The following NPFF variants were observed in gnomAD, a reference collection of about 807,000 sequenced individuals.
The protein encoded by NPFF is pro-FMRFamide-related neuropeptide FF.
Under a neutral mutation model 12.9 loss-of-function variants are expected in NPFF, and 14 were observed. The observed-to-expected ratio is 1.09, with a 90% CI of 0.72 to 1.70. The LOEUF (loss-of-function observed/expected upper bound fraction) is 1.70, where lower values mean the gene tolerates loss of function less well. Among genes scored for constraint, NPFF ranks in the 40% most tolerant of loss-of-function variants. NPFF has a pLI of 0.00. For missense variants in NPFF, 140 were observed against 135.7 expected (o/e 1.03, Z -0.16); for synonymous variants, 56 against 57.3 (o/e 0.98, Z 0.10).
intron 1 of NPFF, 52 bp downstream of exon 1, chr12:53,507,321 G>A (rs8192593): frequency 0.032 from 51,216 of 1,611,386 alleles, 939 homozygotes; most frequent in Non-Finnish European, 0.039. Flanking sequence ...TAGAGCACAA[G>A]TCTCAACCGA....
intron 1 of NPFF, 35 bp from the exon 2 acceptor site, chr12:53,507,177 C>T (rs1944027518): frequency 1.2e-6 from 2 of 1,608,602 alleles, no homozygotes; most frequent in East Asian, 4.5e-5. Context: ...GGAAGATGGG[C>T]AAATACCCTG....
Position 53,507,038 on chromosome 12 carries a change from GA to G in NPFF, c.206del (p.Phe69SerfsTer21). 6.2e-7 allele frequency: 1 copy of G among 1,613,928 alleles called. No homozygotes were observed. The highest frequency in any genetic ancestry group is 8.5e-7 in the Non-Finnish European group (1 of 1,179,958). On this transcript the variant is annotated frameshift_variant, in exon 2 of 3. Coordinates refer to ENST00000267017, the MANE Select transcript of NPFF (RefSeq NM_003717.4). LOFTEE classifies it high-confidence loss of function. ...AMERPGRSQA[F>X]LFQPQRFGRN... ...AGACTCACCTCTGGGGCTGAAACAGGAAGGCTTGGCTCCGGCCAGGTCTCTC... is the reference window on the plus strand; with the variant it reads ...AGACTCACCTCTGGGGCTGAAACAGGAGGCTTGGCTCCGGCCAGGTCTCTC...
chr12:53,506,988 C>T (rs773934493), intron 2 of NPFF, 33 bp downstream of exon 2: 1 of 1,606,842 alleles, frequency 6.2e-7, no homozygotes, highest in Non-Finnish European at 8.5e-7. Context: ...CCACCCCCAG[C>T]CCCTGCCATG....
At position 53,507,434 on chromosome 12, in the gene NPFF, A is replaced by AGCAGCAGCACCAGCAGT; in HGVS notation, c.24_40dup (p.Leu14HisfsTer8). ...TTCAGCACAGCCCCCGTCTATTAAC[A>AGCAGCAGCACCAGCAGT]GCAGCAGCACCAGCAGTGCAGCAGC... On this transcript the variant is annotated frameshift_variant, in exon 1 of 3. Coordinates refer to ENST00000267017, the MANE Select transcript of NPFF (RefSeq NM_003717.4). LOFTEE classifies it high-confidence loss of function. The AGCAGCAGCACCAGCAGT allele has an allele frequency of 1.8e-5, 29 of 1,613,888 alleles. No homozygotes were observed. The highest frequency in any genetic ancestry group is 2.4e-5 in the Non-Finnish European group (28 of 1,179,990).
intron 1 of NPFF, 69 bp downstream of exon 1, chr12:53,507,304 C>T: frequency 6.2e-7 from 1 of 1,604,916 alleles, no homozygotes; most frequent in Non-Finnish European, 8.5e-7. Flanking sequence ...GAGAAAGTAT[C>T]AGAACCTAGA....
At position 53,507,390 on chromosome 12, in the gene NPFF, C is replaced by T; in HGVS notation, c.85G>A (p.Glu29Lys). The T allele has an allele frequency of 6.2e-7, 1 of 1,614,108 alleles. No individual in the cohort carries two copies. Among genetic ancestry groups the T allele is most frequent in the Non-Finnish European group, 8.5e-7 (1 of 1,180,000 alleles). ...GCAEGPGGQQ[E>K]DQLSAEEDSE... ...ACACTCACCGCGGAGAGCTGGTCTT[C>T]CTGCTGGCCTCCTGGCCCTTCAGCA... Residue 29 changes from glutamate to lysine, a missense_variant, in exon 1 of 3, where the codon GAA (glutamate) becomes AAA (lysine). Physicochemically the swap from Glu to Lys is moderately conservative, Grantham distance 56. Coordinates refer to ENST00000267017, the MANE Select transcript of NPFF (RefSeq NM_003717.4).
At chr12:53,507,275 A>G (rs901892258) in intron 1 of NPFF, 98 bp downstream of exon 1, 2 of 1,594,926 alleles carry the variant, frequency 1.3e-6, no homozygotes, top group African/African-American at 1.3e-5. Flanking sequence ...TGAGGACCTA[A>G]TGACAACCTT....
At chr12:53,507,272 C>T in intron 1 of NPFF, 101 bp downstream of exon 1, 1 of 1,593,424 alleles carries the variant, frequency 6.3e-7, no homozygotes, top group South Asian at 1.1e-5. Flanking sequence ...ATGTGAGGAC[C>T]TAATGACAAC....
rs373675137 is a variant in NPFF, at chr12:53,506,724, T to C, written c.*52A>G. 1.4e-5 allele frequency: 19 copies of C among 1,339,616 alleles called. No individual in the cohort carries two copies. Among genetic ancestry groups the C allele is most frequent in the African/African-American group, 8.8e-5 (6 of 68,112 alleles). 83.0% of individuals were successfully genotyped at this position (1,339,616 alleles called of 1,614,324 possible). On this transcript the variant is annotated 3_prime_UTR_variant, in exon 3 of 3. Transcript: ENST00000267017. ...GACAATTTTATTTGGGGGGCAAACA[T>C]TGACACTTTTGGGTGTGGACCTTGC...
chr12:53,507,035 CAGG>C lies in NPFF; in HGVS notation c.207_209del (p.Phe69del). The C allele has an allele frequency of 1.2e-6, 2 of 1,613,872 alleles. No individual in the cohort carries two copies. Among genetic ancestry groups the C allele is most frequent in the Non-Finnish European group, 1.7e-6 (2 of 1,179,928 alleles). On this transcript the variant is annotated inframe_deletion, in exon 2 of 3. Coordinates refer to ENST00000267017, the MANE Select transcript of NPFF (RefSeq NM_003717.4). ...TTCAGACTCACCTCTGGGGCTGAAA[CAGG>C]AAGGCTTGGCTCCGGCCAGGTCTCT...
rs776328708 is a variant in NPFF at position 53,507,155 on chromosome 12, G to A, written c.103-13C>T. 5.6e-6 allele frequency: 9 copies of A among 1,612,762 alleles called. No individual in the cohort carries two copies. The highest frequency in any genetic ancestry group is 4.4e-5 in the South Asian group (4 of 90,954). Reference sequence around the variant, plus strand: ...CGCTGTCTTCCTCCTGTGCCAAGGGGGTATCAGGGAAGGAAGATGGGCAAA... The same window carrying A: ...CGCTGTCTTCCTCCTGTGCCAAGGGAGTATCAGGGAAGGAAGATGGGCAAA... On this transcript the variant is annotated splice_polypyrimidine_tract_variant and intron_variant, in intron 1 of 2. Transcript: ENST00000267017.
At chr12:53,506,952 T>G in intron 2 of NPFF, 59 bp from the exon 3 acceptor site, 3 of 1,585,440 alleles carry the variant, frequency 1.9e-6, no homozygotes, top group Non-Finnish European at 2.6e-6. Flanking sequence ...CCCTTCCTTC[T>G]CCTCTTCCTC....
Position 53,507,035 on chromosome 12 carries a change from C to A in NPFF, c.210G>T (p.Leu70=). ...MERPGRSQAF[L]FQPQRFGRNT... is the part of the protein sequence containing the mutation. The stretch of plus-strand genomic sequence containing the variant: ...TTCAGACTCACCTCTGGGGCTGAAA[C>A]AGGAAGGCTTGGCTCCGGCCAGGTC... The change falls in exon 2 of 3, where the codon CTG becomes CTT. Residue 70 remains leucine, a synonymous_variant. Transcript: ENST00000267017. 1 of 1,613,872 alleles carries A rather than the reference C, an allele frequency of 6.2e-7. No homozygotes were observed. The highest frequency in any genetic ancestry group is 8.5e-7 in the Non-Finnish European group (1 of 1,179,928).
intron 2 of NPFF, 61 bp downstream of exon 2, chr12:53,506,960 C>T (rs1391793041): frequency 1.2e-5 from 19 of 1,591,126 alleles, no homozygotes; most frequent in Admixed American, 1.7e-5. Flanking sequence ...TCTCCTCTTC[C>T]TCTGCCTCCT....
chr12:53,507,385 G>T lies in NPFF; in HGVS notation c.90C>A (p.Asp30Glu). The T allele has an allele frequency of 6.2e-7, 1 of 1,614,068 alleles. No individual in the cohort carries two copies. The highest frequency in any genetic ancestry group is 1.1e-5 in the South Asian group (1 of 91,088). Residue 30 changes from aspartate to glutamate, a missense_variant, in exon 1 of 3, where the codon GAC (aspartate) becomes GAA (glutamate). Transcript: ENST00000267017. ...CAEGPGGQQE[D>E]QLSAEEDSEP... Reference sequence around the variant, plus strand: ...GACACACACTCACCGCGGAGAGCTGGTCTTCCTGCTGGCCTCCTGGCCCTT... The same window carrying T: ...GACACACACTCACCGCGGAGAGCTGTTCTTCCTGCTGGCCTCCTGGCCCTT...
In NPFF at chr12:53,506,710, T is replaced by C; in HGVS notation, c.*66A>G. On this transcript the variant is annotated 3_prime_UTR_variant, in exon 3 of 3. Transcript: ENST00000267017. ...GGATTCAGAAGCCAGACAATTTTAT[T>C]TGGGGGGCAAACATTGACACTTTTG... The C allele has an allele frequency of 8.0e-7, 1 of 1,253,528 alleles. No homozygotes were observed. The highest frequency in any genetic ancestry group is 1.1e-6 in the Non-Finnish European group (1 of 899,756). 77.7% of individuals were successfully genotyped at this position (1,253,528 alleles called of 1,614,324 possible).
chr12:53,506,794 T>C lies in NPFF; in HGVS notation c.324A>G (p.Gln108=). 1 of 1,576,238 alleles carries C rather than the reference T, an allele frequency of 6.3e-7. No individual in the cohort carries two copies. The highest frequency in any genetic ancestry group is 8.6e-7 in the Non-Finnish European group (1 of 1,161,818). The change falls in exon 3 of 3, where the codon CAA becomes CAG. Residue 108 remains glutamine, a synonymous_variant. Coordinates refer to ENST00000267017, the MANE Select transcript of NPFF (RefSeq NM_003717.4). ...NSQFWSLAAP[Q]RFGKK The stretch of plus-strand genomic sequence containing the variant: ...TGACATGTCACTTCTTCCCAAAGCG[T>C]TGAGGGGCAGCCAGGCTCCAGAACT...
chr12:53,507,452 G>A lies in NPFF; in HGVS notation c.23C>T (p.Ala8Val), dbSNP rs1944038269. The change falls in exon 1 of 3, where the codon GCA (alanine) becomes GTA (valine). Residue 8 changes from alanine (A) to valine (V), a missense_variant. Ala to Val is a moderately conservative substitution (Grantham distance 64, BLOSUM62 0). Coordinates refer to ENST00000267017, the MANE Select transcript of NPFF (RefSeq NM_003717.4). ...TATTAACAGCAGCAGCACCAGCAGT[G>A]CAGCAGCCTGCCTAGAATCCATGCT... MDSRQAA[A>V]LLVLLLLIDG... is the part of the protein sequence containing the mutation. 1 of 1,613,378 alleles carries A rather than the reference G, an allele frequency of 6.2e-7. No individual in the cohort carries two copies. Among genetic ancestry groups the A allele is most frequent in the African/African-American group, 1.3e-5 (1 of 74,876 alleles).
chr12:53,507,351 T>G (rs201319634), intron 1 of NPFF, 22 bp downstream of exon 1: 2 of 1,613,854 alleles, frequency 1.2e-6, no homozygotes, highest in Non-Finnish European at 1.7e-6. Context: ...AATGGTGATA[T>G]GGGGATGGGA....
Sources: allele counts gnomAD v4.1 joint callset, GRCh38; gene constraint gnomAD v4.1.1; transcripts MANE v1.5; gene names NCBI Gene and HGNC (gene_info 2026-07-23, HGNC 2026-07-21).